PCDHGA3: variants seen among roughly 807,000 people sequenced by gnomAD.
PCDHGA3 encodes protocadherin gamma-A3.
A neutral mutation model predicts 58.5 loss-of-function variants in PCDHGA3; 40 were observed. The observed-to-expected ratio is 0.68, with a 90% CI of 0.53 to 0.89. The LOEUF is 0.89. Ranked by LOEUF, PCDHGA3 falls within the 40% of genes least tolerant of loss-of-function variation. PCDHGA3 has a pLI of 0.00. For missense variants in PCDHGA3, 1,223 were observed against 1,195.9 expected (o/e 1.02, Z -0.33); for synonymous variants, 530 against 525.7 (o/e 1.01, Z -0.11).
At chr5:141,470,780 T>G (rs1436746772) in intron 1 of PCDHGA3, among the ~76,000 whole-genome samples, 1 of 152,194 alleles carries the variant, frequency 6.6e-6, no homozygotes, top group Non-Finnish European at 1.5e-5. Flanking sequence ...CTTGAATTCC[T>G]GGGCTCAAGC....
At chr5:141,363,397 A>C (rs571483394) in intron 1 of PCDHGA3, among the ~76,000 whole-genome samples, 8 of 152,204 alleles carry the variant, frequency 5.3e-5, no homozygotes, top group Non-Finnish European at 1.2e-4. Flanking sequence ...GTTGTCATAT[A>C]AAGATGATAG....
chr5:141,353,526 A>G (rs1471776708), intron 1 of PCDHGA3, among the ~76,000 whole-genome samples: 1 of 152,194 alleles, frequency 6.6e-6, no homozygotes, highest in Non-Finnish European at 1.5e-5. Context: ...CCAATTTTAT[A>G]TTTGCATCAC....
rs1376069004 is a variant in PCDHGA3 at position 141,457,869 on chromosome 5, G to T, written c.2425-36938G>T. On this transcript the variant is annotated intron_variant, in intron 1 of 3. Transcript: ENST00000253812. ...AAGTGACATTCTTCACTGACCACAG[G>T]TTAGGAACCCTGTGTGGGGACTGTG... 2.0e-5 allele frequency among the ~76,000 whole-genome samples: 3 copies of T among 152,334 alleles called. No individual in the cohort carries two copies. The East Asian group carries it at 5.8e-4, about 29-fold the overall frequency.
chr5:141,415,740 G>GTTTTTTTTTTTTTTTTTTTTT (rs57426385), intron 1 of PCDHGA3: 5 of 625,024 alleles, frequency 8.0e-6, no homozygotes, highest in Non-Finnish European at 8.5e-6. Flanking sequence ...GTTTATTAAG[G>GTTTTTTTTTTTTTTTTTTTTT]TTTTTTTTTT....
chr5:141,457,480 G>A lies in PCDHGA3; in HGVS notation c.2425-37327G>A, dbSNP rs566798464. ...GATTCACAGGAATAAGCAGGGCCAGGGTTAGTCTAAAATGTAGGCAAAAAG... is the reference window on the plus strand; with the variant it reads ...GATTCACAGGAATAAGCAGGGCCAGAGTTAGTCTAAAATGTAGGCAAAAAG... On this transcript the variant is annotated intron_variant, in intron 1 of 3. Transcript: ENST00000253812. 2.0e-5 allele frequency among the ~76,000 whole-genome samples: 3 copies of A among 152,266 alleles called. No individual in the cohort carries two copies. In the South Asian group the frequency reaches 6.2e-4, roughly 32 times the overall value.
At chr5:141,366,757 T>C in intron 1 of PCDHGA3, 1 of 1,606,518 alleles carries the variant, frequency 6.2e-7, no homozygotes, top group African/African-American at 1.3e-5. Context: ...TTCAGGTTAG[T>C]TTTCTCTTTC....
At chr5:141,488,797 T>G (rs1451050520) in intron 1 of PCDHGA3, among the ~76,000 whole-genome samples, 6 of 152,158 alleles carry the variant, frequency 3.9e-5, no homozygotes, top group Non-Finnish European at 8.8e-5. Context: ...TCTTCCCTGT[T>G]GAGTACCATC....
At position 141,398,050 on chromosome 5, in the gene PCDHGA3, T is replaced by C. The variant is rs558695876; in HGVS notation, c.2424+51593T>C. Reference sequence around the variant, plus strand: ...ACTGGAACTAAAGCCCGTTCGGAGATCCAAAAATCTACAATACAGAGGTTA... The same window carrying C: ...ACTGGAACTAAAGCCCGTTCGGAGACCCAAAAATCTACAATACAGAGGTTA... On this transcript the variant is annotated intron_variant, in intron 1 of 3. Coordinates refer to ENST00000253812, the MANE Select transcript of PCDHGA3 (RefSeq NM_018916.4). 12 of 1,510,524 alleles carry C rather than the reference T, an allele frequency of 7.9e-6. No individual in the cohort carries two copies. The African/African-American group carries it at 1.1e-4, about 14-fold the overall frequency. 93.6% of individuals were successfully genotyped at this position (1,510,524 alleles called of 1,614,324 possible). A position where few individuals can be genotyped will look rare whatever the true frequency, so the allele number is the denominator to read the frequency against.
At position 141,489,871 on chromosome 5, in the gene PCDHGA3, G is replaced by C; in HGVS notation, c.2425-4936G>C. ...TGAAGCCCAGGCAAGACATCAGCTGGTGCTTACTGCTGTGGATGGGGGGAC... is the reference window on the plus strand; with the variant it reads ...TGAAGCCCAGGCAAGACATCAGCTGCTGCTTACTGCTGTGGATGGGGGGAC... On this transcript the variant is annotated intron_variant, in intron 1 of 3. Coordinates refer to ENST00000253812, the MANE Select transcript of PCDHGA3 (RefSeq NM_018916.4). The surrounding 1 kb of genome is among the most constrained non-coding windows in gnomAD (Gnocchi z 4.5). 1 of 1,614,206 alleles carries C rather than the reference G, an allele frequency of 6.2e-7. No individual in the cohort carries two copies.
intron 1 of PCDHGA3, among the ~76,000 whole-genome samples, chr5:141,452,276 C>A (rs1160292593): frequency 2.6e-5 from 4 of 152,172 alleles, no homozygotes; most frequent in Admixed American, 6.5e-5. Flanking sequence ...TGAACCCTTT[C>A]TTACTTTCTG....
In PCDHGA3 at chr5:141,511,086, G is replaced by A. The variant is rs2099883600; in HGVS notation, c.2712G>A (p.Leu904=). The A allele has an allele frequency of 1.2e-6, 2 of 1,614,062 alleles. No individual in the cohort carries two copies. The highest frequency in any genetic ancestry group is 2.2e-5 in the East Asian group (1 of 44,886). The change falls in exon 4 of 4, where the codon CTG becomes CTA. Residue 904 remains leucine (L), a synonymous_variant. Transcript: ENST00000253812. ...ACATCCCAGGCAGCAATGCCACACT[G>A]ACCAACGCAGCTGGCAAGCGGGATG... is the stretch of plus-strand genomic sequence containing the variant. The part of the protein sequence containing the change: ...NVYIPGSNAT[L]TNAAGKRDGK...
intron 1 of PCDHGA3, among the ~76,000 whole-genome samples, chr5:141,463,224 G>C (rs1039535501): frequency 6.6e-6 from 1 of 151,958 alleles, no homozygotes; most frequent in Non-Finnish European, 1.5e-5. Context: ...AATATTCCTG[G>C]AGTTCTTTGT....
At chr5:141,404,782 G>A in intron 1 of PCDHGA3, 1 of 1,613,964 alleles carries the variant, frequency 6.2e-7, no homozygotes. Context: ...GCCTATTCAA[G>A]GCCAGTGAGC....
intron 1 of PCDHGA3, chr5:141,399,025 CAAAAG>C (rs750003738): frequency 6.8e-6 from 11 of 1,613,846 alleles, no homozygotes; most frequent in Admixed American, 5.0e-5. Context: ...AATTACCACT[CAAAAG>C]AAACTGGATT....
chr5:141,403,766 G>A (rs1371539458), intron 1 of PCDHGA3: 2 of 1,613,864 alleles, frequency 1.2e-6, no homozygotes, highest in East Asian at 2.2e-5. Context: ...CCTGGATGAG[G>A]GAATCAACGG....
chr5:141,396,112 A>G (rs916569843), intron 1 of PCDHGA3: 4 of 152,232 alleles, frequency 2.6e-5, no homozygotes, highest in Non-Finnish European at 2.9e-5. Flanking sequence ...TTAAGAACCA[A>G]TGTTTCAGGT....
intron 1 of PCDHGA3, chr5:141,352,462 G>A (rs757771594): frequency 1.2e-6 from 2 of 1,613,998 alleles, no homozygotes; most frequent in South Asian, 1.1e-5. Flanking sequence ...CTGGGCCCGG[G>A]GTTCCTCCCA....
chr5:141,361,729 C>G (rs1762153939), intron 1 of PCDHGA3: 1 of 1,613,138 alleles, frequency 6.2e-7, no homozygotes, highest in Non-Finnish European at 8.5e-7. Flanking sequence ...CGAGCTCACA[C>G]TGCAGGCCCG....
At position 141,485,848 on chromosome 5, in the gene PCDHGA3, C is replaced by G. The variant is rs1416763615; in HGVS notation, c.2425-8959C>G. 1.9e-6 allele frequency: 3 copies of G among 1,614,076 alleles called. No individual in the cohort carries two copies. The highest frequency in any genetic ancestry group is 1.1e-5 in the South Asian group (1 of 91,084). On this transcript the variant is annotated intron_variant, in intron 1 of 3. Coordinates refer to ENST00000253812, the MANE Select transcript of PCDHGA3 (RefSeq NM_018916.4). This position sits in a 1 kb window ranked among gnomAD's most constrained non-coding sequence, Gnocchi z 5.7. The stretch of plus-strand genomic sequence containing the variant: ...GAGGGAACCCGCCGAGATCTGGCAC[C>G]GCAGAGCTCCGGGTATCCGTGCTGG...
Sources: gnomAD v4.1 joint callset for allele counts (sites outside exome capture counted in the v4.1 genomes callset) on GRCh38, gnomAD v4.1.1 for gene constraint, Gnocchi (gnomAD v3.1) non-coding constraint, MANE v1.5 for transcripts, NCBI Gene and HGNC (gene_info 2026-07-23, HGNC 2026-07-21) for gene names.